CHST11: variants seen among roughly 807,000 people sequenced by gnomAD.
The protein encoded by CHST11 is carbohydrate sulfotransferase 11.
Under a neutral mutation model 30.4 loss-of-function variants are expected in CHST11, and 9 were observed. The observed-to-expected ratio is 0.30, with a 90% CI of 0.18 to 0.52. The LOEUF is 0.52. Among genes scored for constraint, CHST11 ranks in the 20% least tolerant of loss-of-function variants. The pLI, the probability that CHST11 is intolerant of heterozygous loss-of-function variation, is 0.97. For missense variants in CHST11, 348 were observed against 460.6 expected, an observed-to-expected ratio of 0.76 and a Z score of 2.24; for synonymous variants, 152 against 187.8, an observed-to-expected ratio of 0.81 and a Z score of 1.56.
At chr12:104,608,173 T>G (rs1592791320) in intron 2 of CHST11, among the ~76,000 whole-genome samples, 1 of 152,048 alleles carries the variant, frequency 6.6e-6, no homozygotes, top group Non-Finnish European at 1.5e-5. Flanking sequence ...AGTTGAAGGG[T>G]CTTTAAGCAC....
intron 2 of CHST11, among the ~76,000 whole-genome samples, chr12:104,751,336 C>A (rs114070536): frequency 1.3e-3 from 205 of 152,290 alleles, no homozygotes; most frequent in African/African-American, 4.7e-3. Flanking sequence ...ATTCAAATGG[C>A]AGAATTGATG....
intron 2 of CHST11, among the ~76,000 whole-genome samples, chr12:104,715,309 G>A (rs2040122094): frequency 6.6e-6 from 1 of 152,206 alleles, no homozygotes; most frequent in Non-Finnish European, 1.5e-5. Context: ...AGAAGGTGGA[G>A]GCTGCAGTGA....
At chr12:104,500,929 G>A (rs2141855) in intron 1 of CHST11, among the ~76,000 whole-genome samples, 51,593 of 151,970 alleles carry the variant, frequency 0.34, 8,992 homozygotes, top group South Asian at 0.38. Flanking sequence ...GTAGGATCAC[G>A]GGTGGGAGGG....
intron 1 of CHST11, among the ~76,000 whole-genome samples, chr12:104,489,432 A>G (rs2037723229): frequency 6.6e-6 from 1 of 152,088 alleles, no homozygotes; most frequent in Non-Finnish European, 1.5e-5. Context: ...TTCCAAATAT[A>G]GTAACATTTT....
intron 1 of CHST11, among the ~76,000 whole-genome samples, chr12:104,470,844 T>C (rs567489004): frequency 6.6e-6 from 1 of 152,342 alleles, no homozygotes; most frequent in East Asian, 1.9e-4. Flanking sequence ...TTCACCTCAC[T>C]AGTATGCCCA....
At chr12:104,619,052 GC>G (rs2039135615) in intron 2 of CHST11, among the ~76,000 whole-genome samples, 2 of 152,246 alleles carry the variant, frequency 1.3e-5, no homozygotes, top group Non-Finnish European at 2.9e-5. Flanking sequence ...TGGGTGGTCA[GC>G]TGGAATGAAA....
At chr12:104,683,097 AG>A (rs1386018572) in intron 2 of CHST11, among the ~76,000 whole-genome samples, 1 of 152,194 alleles carries the variant, frequency 6.6e-6, no homozygotes, top group Non-Finnish European at 1.5e-5. Flanking sequence ...AAATGGCAAA[AG>A]GGGGCGGGGT....
chr12:104,759,079 G>C lies in CHST11; in HGVS notation c.*1276G>C, dbSNP rs993118512. 1 of 152,244 alleles carries C rather than the reference G, an allele frequency of 6.6e-6. No individual in the cohort carries two copies. Among genetic ancestry groups the C allele is most frequent in the South Asian group, 2.1e-4 (1 of 4,828 alleles). 9.4% of individuals were successfully genotyped at this position (152,244 alleles called of 1,614,324 possible). A position where few individuals can be genotyped will look rare whatever the true frequency, so the allele number is the denominator to read the frequency against. ...AGTGTTGTCTTCTACTGCTTGCCAC[G>C]TACAAGTGTGAAATGCCAAGGTGAG... On this transcript the variant is annotated 3_prime_UTR_variant, in exon 3 of 3. Coordinates refer to ENST00000303694, the MANE Select transcript of CHST11 (RefSeq NM_018413.6).
rs530324467 is a variant in CHST11, at chr12:104,703,537, T to G, written c.205-53412T>G. 1.9e-3 allele frequency among the ~76,000 whole-genome samples: 293 copies of G among 152,266 alleles called. 1 individual carries two copies. The highest frequency in any genetic ancestry group is 6.5e-3 in the African/African-American group (271 of 41,522). ...TCTTTCTTCTCCAGTCTCACCTGGA[T>G]GAACCCATCCTCCACCTCCTCTCCC... On this transcript the variant is annotated intron_variant, in intron 2 of 2. Transcript: ENST00000303694.
intron 2 of CHST11, among the ~76,000 whole-genome samples, chr12:104,685,252 T>C (rs1426602385): frequency 6.6e-6 from 1 of 152,202 alleles, no homozygotes; most frequent in Non-Finnish European, 1.5e-5. Context: ...AGGGCTGAGG[T>C]GCGATGTTAC....
At chr12:104,499,309 G>A (rs2037829902) in intron 1 of CHST11, among the ~76,000 whole-genome samples, 1 of 152,178 alleles carries the variant, frequency 6.6e-6, no homozygotes, top group South Asian at 2.1e-4. Context: ...GGTGAGGCCT[G>A]TGACCAGCCA....
At chr12:104,673,748 C>T (rs935165901) in intron 2 of CHST11, among the ~76,000 whole-genome samples, 1 of 152,212 alleles carries the variant, frequency 6.6e-6, no homozygotes, top group African/African-American at 2.4e-5. Context: ...CTTAAAATCA[C>T]TTGGAATTTG....
chr12:104,646,384 C>T (rs2039430720), intron 2 of CHST11, among the ~76,000 whole-genome samples: 1 of 152,172 alleles, frequency 6.6e-6, no homozygotes, highest in Admixed American at 6.5e-5. Flanking sequence ...CCCTAACCTC[C>T]CTAAACTGAT....
rs995097206 is a variant in CHST11 at position 104,699,209 on chromosome 12, A to T, written c.205-57740A>T. The stretch of plus-strand genomic sequence containing the variant: ...CCCCACATGATTCTAACATATACTG[A>T]GATTGAGAACTGTACATACAGATCT... On this transcript the variant is annotated intron_variant, in intron 2 of 2. Transcript: ENST00000303694. Among the ~76,000 whole-genome samples the T allele has an allele frequency of 3.3e-5, 5 of 152,336 alleles. No individual in the cohort carries two copies. The East Asian group carries it at 9.6e-4, about 29-fold the overall frequency.
chr12:104,676,514 A>G lies in CHST11; in HGVS notation c.204+74523A>G, dbSNP rs1457571890. ...ACTGCAACCTCCGCCTCCCGGGTTC[A>G]AGGGATTATTCTGCCCCAGCCTCCC... is the stretch of plus-strand genomic sequence containing the variant. On this transcript the variant is annotated intron_variant, in intron 2 of 2. Transcript: ENST00000303694. The surrounding 1 kb of genome is among the most constrained non-coding windows in gnomAD (Gnocchi z 4.4). Among the ~76,000 whole-genome samples, 1 of 152,182 alleles carries G rather than the reference A, an allele frequency of 6.6e-6. No homozygotes were observed. The highest frequency in any genetic ancestry group is 1.5e-5 in the Non-Finnish European group (1 of 68,028).
Position 104,600,603 on chromosome 12 carries a change from G to C in CHST11, c.119-1303G>C, listed in dbSNP as rs1419692789. Among the ~76,000 whole-genome samples the C allele has an allele frequency of 1.3e-5, 2 of 152,204 alleles. No homozygotes were observed. The highest frequency in any genetic ancestry group is 6.5e-5 in the Admixed American group (1 of 15,280). ...ACAGACAAAGAAGCAGAGACACAGA[G>C]AGGTTAGGTAGTTTCCTTAAGGTCA... On this transcript the variant is annotated intron_variant, in intron 1 of 2. Transcript: ENST00000303694. This position sits in a 1 kb window ranked among gnomAD's most constrained non-coding sequence, Gnocchi z 4.1.
chr12:104,649,112 G>A (rs727862), intron 2 of CHST11, among the ~76,000 whole-genome samples: 25,514 of 151,904 alleles, frequency 0.17, 2,280 homozygotes, highest in African/African-American at 0.2. Context: ...CTCAGGGATG[G>A]GGGAAGCAGA....
chr12:104,498,607 CT>C (rs2037823603), intron 1 of CHST11, among the ~76,000 whole-genome samples: 1 of 152,192 alleles, frequency 6.6e-6, no homozygotes, highest in Non-Finnish European at 1.5e-5. Context: ...TTCAAAGATG[CT>C]TTTATTGAAA....
intron 2 of CHST11, among the ~76,000 whole-genome samples, chr12:104,706,777 C>T (rs1310370562): frequency 2.0e-5 from 3 of 152,146 alleles, no homozygotes; most frequent in Non-Finnish European, 2.9e-5. Flanking sequence ...CAGCTATCTT[C>T]TGTCAGACTA....
Sources: gnomAD v4.1 joint callset for allele counts (sites outside exome capture counted in the v4.1 genomes callset) on GRCh38, gnomAD v4.1.1 for gene constraint, Gnocchi (gnomAD v3.1) non-coding constraint, MANE v1.5 for transcripts, NCBI Gene and HGNC (gene_info 2026-07-23, HGNC 2026-07-21) for gene names.